Variants in EPM2A observed in about 807,000 individuals in gnomAD.
EPM2A encodes the protein laforin.
A neutral mutation model predicts 26.5 loss-of-function variants in EPM2A; 21 were observed. The ratio of observed to expected loss-of-function variants is 0.79; its 90% CI spans 0.56 to 1.14. The LOEUF (loss-of-function observed/expected upper bound fraction) is 1.14, where lower values mean the gene tolerates loss of function less well. EPM2A is among the 50% of genes most tolerant of loss of function. The pLI is 0.00. For missense variants in EPM2A, 458 were observed against 440.8 expected (o/e 1.04, Z -0.35); for synonymous variants, 217 against 177.6 (o/e 1.22, Z -1.76).
intron 4 of EPM2A, among the ~76,000 whole-genome samples, chr6:145,394,852 C>A (rs1389702938): frequency 3.3e-5 from 5 of 152,138 alleles, no homozygotes; most frequent in African/African-American, 1.2e-4. Context: ...ATACAGAAAA[C>A]TCCACTTACT....
chr6:145,397,967 G>T (rs1391819736), intron 4 of EPM2A, among the ~76,000 whole-genome samples: 2 of 152,044 alleles, frequency 1.3e-5, no homozygotes, highest in African/African-American at 4.8e-5. Context: ...CCTTGTATTG[G>T]TTATCACATT....
At chr6:145,530,305 G>A (rs1346104291) in intron 2 of EPM2A, among the ~76,000 whole-genome samples, 1 of 152,168 alleles carries the variant, frequency 6.6e-6, no homozygotes, top group East Asian at 1.9e-4. Context: ...AAAAACAGAG[G>A]GATGAGAGGG....
rs754737422 is a variant in EPM2A at position 145,487,417 on chromosome 6, C to T, written c.555+15105G>A. 6.6e-5 allele frequency among the ~76,000 whole-genome samples: 10 copies of T among 152,142 alleles called. No homozygotes were observed. In the East Asian group the frequency reaches 9.6e-4, roughly 15 times the overall value. ...TCTTTAGGTCTTTGAGGAATCGCCA[C>T]ACTGTCATCCACAATGGTTGAACTA... On this transcript the variant is annotated intron_variant, in intron 4 of 4. Transcript: ENST00000638717.
intron 2 of EPM2A, among the ~76,000 whole-genome samples, chr6:145,641,876 G>A (rs1376922651): frequency 6.6e-6 from 1 of 152,080 alleles, no homozygotes; most frequent in Non-Finnish European, 1.5e-5. Flanking sequence ...CTGAAGTTCT[G>A]GGGTGTCTAG....
At chr6:145,393,795 AGG>A (rs1170764516) in intron 4 of EPM2A, among the ~76,000 whole-genome samples, 1 of 151,704 alleles carries the variant, frequency 6.6e-6, no homozygotes, top group Non-Finnish European at 1.5e-5. Context: ...AAAAATGGTC[AGG>A]GTCACTAATC....
chr6:145,568,342 C>T lies in EPM2A; in HGVS notation c.341-65767G>A, dbSNP rs556232155. Reference sequence around the variant, plus strand: ...TCTGACTTTTTTTTTTTTTTTTTGACGGAGTCTTGCACTGTCACCCAGGCT... The same window carrying T: ...TCTGACTTTTTTTTTTTTTTTTTGATGGAGTCTTGCACTGTCACCCAGGCT... On this transcript the variant is annotated intron_variant, in intron 2 of 3. Coordinates refer to the EPM2A transcript ENST00000450221. Among the ~76,000 whole-genome samples the T allele has an allele frequency of 7.7e-5, 11 of 142,780 alleles. No individual in the cohort carries two copies. The East Asian group carries it at 1.9e-3, about 24-fold the overall frequency. 93.7% of individuals were successfully genotyped at this position (142,780 alleles called of 152,430 possible).
intron 2 of EPM2A, among the ~76,000 whole-genome samples, chr6:145,662,387 G>C (rs746112956): frequency 6.6e-6 from 1 of 151,654 alleles, no homozygotes. Flanking sequence ...ATTAATTTTA[G>C]CTTTAGGTTT....
At chr6:145,535,268 A>G (rs961488580) in intron 2 of EPM2A, among the ~76,000 whole-genome samples, 1 of 152,218 alleles carries the variant, frequency 6.6e-6, no homozygotes, top group Non-Finnish European at 1.5e-5. Context: ...AAGTTGCTTT[A>G]TTAAATTCTG....
chr6:145,601,807 T>G lies in EPM2A; in HGVS notation c.340+33438A>C, dbSNP rs535805427. On this transcript the variant is annotated intron_variant, in intron 2 of 3. Coordinates refer to the EPM2A transcript ENST00000450221. Reference sequence around the variant, plus strand: ...ATGTGACCTCTTTTTGCCAATCAGGTATACTCTCATGAGGGATGAATCCAG... The same window carrying G: ...ATGTGACCTCTTTTTGCCAATCAGGGATACTCTCATGAGGGATGAATCCAG... Among the ~76,000 whole-genome samples the G allele has an allele frequency of 2.2e-4, 33 of 152,330 alleles. No homozygotes were observed. In the South Asian group the frequency reaches 6.8e-3, roughly 32 times the overall value.
intron 4 of EPM2A, among the ~76,000 whole-genome samples, chr6:145,458,665 C>A (rs1293420500): frequency 1.3e-5 from 2 of 152,086 alleles, no homozygotes; most frequent in African/African-American, 2.4e-5. Flanking sequence ...TTTCACAGGA[C>A]AAATTTATCC....
chr6:145,600,130 G>A (rs942573676), intron 2 of EPM2A, among the ~76,000 whole-genome samples: 1 of 152,026 alleles, frequency 6.6e-6, no homozygotes, highest in Non-Finnish European at 1.5e-5. Flanking sequence ...CATGTGGACA[G>A]CCATATCATC....
At chr6:145,658,155 C>A (rs978552536) in intron 2 of EPM2A, among the ~76,000 whole-genome samples, 1 of 152,180 alleles carries the variant, frequency 6.6e-6, no homozygotes, top group Non-Finnish European at 1.5e-5. Context: ...GTCAGGCCAA[C>A]AAGATAAAAT....
chr6:145,488,069 T>C (rs1779700396), intron 4 of EPM2A, among the ~76,000 whole-genome samples: 1 of 123,764 alleles, frequency 8.1e-6, no homozygotes, highest in Non-Finnish European at 1.8e-5. Flanking sequence ...ATTTATTGAA[T>C]AGGGAATTCT....
chr6:145,661,515 T>C (rs1778707112), intron 2 of EPM2A, among the ~76,000 whole-genome samples: 2 of 152,214 alleles, frequency 1.3e-5, no homozygotes, highest in South Asian at 4.1e-4. Context: ...CACCATCTAA[T>C]TTCACTTTAT....
intron 1 of EPM2A, among the ~76,000 whole-genome samples, chr6:145,724,913 C>A (rs9497400): frequency 6.6e-6 from 1 of 151,708 alleles, no homozygotes; most frequent in African/African-American, 2.4e-5. Flanking sequence ...AAAAACTAGA[C>A]GCCCTTGGAT....
At chr6:145,651,108 A>G (rs937322933) in intron 2 of EPM2A, among the ~76,000 whole-genome samples, 3 of 152,204 alleles carry the variant, frequency 2.0e-5, no homozygotes, top group Admixed American at 6.5e-5. Context: ...TGAAGAATAG[A>G]CAAAAATGAA....
rs979510075 is a variant in EPM2A at position 145,599,196 on chromosome 6, G to C, written c.340+36049C>G. ...AGCATTGAATCTATAAATTGCTTTA[G>C]GCAGTATAATCATGTTAATGATATT... On this transcript the variant is annotated intron_variant, in intron 2 of 3. Transcript: ENST00000450221. Among the ~76,000 whole-genome samples, 3 of 152,122 alleles carry C rather than the reference G, an allele frequency of 2.0e-5. No individual in the cohort carries two copies. In the East Asian group the frequency reaches 5.8e-4, roughly 29 times the overall value.
intron 1 of EPM2A, among the ~76,000 whole-genome samples, chr6:145,695,746 T>C (rs1388600396): frequency 6.6e-6 from 1 of 152,044 alleles, no homozygotes; most frequent in East Asian, 1.9e-4. Flanking sequence ...TCAACATTTA[T>C]AAATATATAT....
intron 2 of EPM2A, chr6:145,671,274 T>C (rs1779619028): frequency 1.9e-6 from 2 of 1,048,484 alleles, no homozygotes; most frequent in Non-Finnish European, 2.3e-6. Flanking sequence ...CCATAAAATA[T>C]GTGTATTTCC....
Sources: allele counts gnomAD v4.1 joint callset (sites outside exome capture counted in the v4.1 genomes callset), GRCh38; gene constraint gnomAD v4.1.1; transcripts MANE v1.5; gene names NCBI Gene and HGNC (gene_info 2026-07-23, HGNC 2026-07-21).